SHISA6: variants seen among roughly 807,000 people sequenced by gnomAD.
SHISA6 encodes shisa family member 6, also known as protein shisa-6.
Under a neutral mutation model 47.9 loss-of-function variants are expected in SHISA6, and 22 were observed. The observed-to-expected ratio is 0.46, with a 90% confidence interval of 0.33 to 0.66. SHISA6 has a LOEUF of 0.66. SHISA6 is among the 30% of genes least tolerant of loss of function. SHISA6 has a pLI of 0.02. For synonymous variants in SHISA6, 388 were observed against 337.8 expected (o/e 1.15, Z -1.63); for missense variants, 680 against 764.6 (o/e 0.89, Z 1.30).
At chr17:11,432,946 G>A (rs762381568) in intron 3 of SHISA6, among the ~76,000 whole-genome samples, 15 of 152,170 alleles carry the variant, frequency 9.9e-5, no homozygotes, top group Admixed American at 3.3e-4. Context: ...GAGTTTCTTT[G>A]TGGGTGATGA....
intron 2 of SHISA6, among the ~76,000 whole-genome samples, chr17:11,286,261 C>A (rs1269889470): frequency 6.6e-6 from 1 of 152,162 alleles, no homozygotes; most frequent in Non-Finnish European, 1.5e-5. Flanking sequence ...GTGTCCTTCC[C>A]TACTGAAGAT....
At chr17:11,505,827 C>G (rs956863302) in intron 3 of SHISA6, among the ~76,000 whole-genome samples, 23 of 152,090 alleles carry the variant, frequency 1.5e-4, no homozygotes, top group Non-Finnish European at 2.2e-4. Context: ...GAATCAACAA[C>G]AATAGGATAA....
At chr17:11,293,763 C>T (rs1473065285) in intron 2 of SHISA6, among the ~76,000 whole-genome samples, 1 of 152,166 alleles carries the variant, frequency 6.6e-6, no homozygotes, top group Non-Finnish European at 1.5e-5. Flanking sequence ...ACACCAACCT[C>T]ATAGATCTGT....
At chr17:11,255,374 AGAGGGAGG>A (rs1391507141) in intron 1 of SHISA6, among the ~76,000 whole-genome samples, 3 of 152,204 alleles carry the variant, frequency 2.0e-5, no homozygotes, top group African/African-American at 7.2e-5. Flanking sequence ...AAAGAAAAAG[AGAGGGAGG>A]GAGAAAGAAT....
At chr17:11,416,721 C>T (rs919724641) in intron 3 of SHISA6, among the ~76,000 whole-genome samples, 1 of 152,120 alleles carries the variant, frequency 6.6e-6, no homozygotes, top group South Asian at 2.1e-4. Flanking sequence ...AAAAATACAA[C>T]ATATCCTCAC....
At chr17:11,439,669 AAAAAAATTACCCT>A (rs1380142368) in intron 3 of SHISA6, among the ~76,000 whole-genome samples, 1 of 152,102 alleles carries the variant, frequency 6.6e-6, no homozygotes, top group African/African-American at 2.4e-5. Flanking sequence ...AAAGCAGGTA[AAAAAAATTACCCT>A]GCATTTAGTA....
At chr17:11,420,940 G>A (rs181529542) in intron 3 of SHISA6, among the ~76,000 whole-genome samples, 69 of 152,300 alleles carry the variant, frequency 4.5e-4, no homozygotes, top group African/African-American at 1.4e-3. Flanking sequence ...CTCCTCACAG[G>A]AAAAGAAAGG....
intron 3 of SHISA6, among the ~76,000 whole-genome samples, chr17:11,457,391 C>T (rs1915568993): frequency 6.6e-6 from 1 of 152,160 alleles, no homozygotes; most frequent in African/African-American, 2.4e-5. Flanking sequence ...GGAATAGAAG[C>T]TTTCCTTGCA....
intron 3 of SHISA6, among the ~76,000 whole-genome samples, chr17:11,392,784 G>A (rs1443190124): frequency 6.6e-6 from 1 of 152,242 alleles, no homozygotes; most frequent in African/African-American, 2.4e-5. Flanking sequence ...ATGCAATGAA[G>A]ACATTGTTCC....
intron 1 of SHISA6, among the ~76,000 whole-genome samples, chr17:11,255,138 C>T (rs1306680103): frequency 6.6e-6 from 1 of 152,160 alleles, no homozygotes; most frequent in Admixed American, 6.5e-5. Flanking sequence ...CAGAGTAGTG[C>T]CTGGCACAGA....
At chr17:11,464,241 A>G (rs1336953990) in intron 3 of SHISA6, among the ~76,000 whole-genome samples, 1 of 152,188 alleles carries the variant, frequency 6.6e-6, no homozygotes, top group Non-Finnish European at 1.5e-5. Context: ...GCCTAAACTT[A>G]CAATACACCA....
chr17:11,265,052 G>A (rs1238683836), intron 2 of SHISA6, among the ~76,000 whole-genome samples: 2 of 152,132 alleles, frequency 1.3e-5, no homozygotes, highest in African/African-American at 4.8e-5. Context: ...CTTAAAACAA[G>A]CAATAGAAGG....
rs148804075 is a variant in SHISA6, at chr17:11,271,401, T to A, written c.799+7875T>A. Among the ~76,000 whole-genome samples, 359 of 152,216 alleles carry A rather than the reference T, an allele frequency of 2.4e-3. 1 individual carries two copies. Among genetic ancestry groups the A allele is most frequent in the Admixed American group, 3.6e-3 (55 of 15,288 alleles). On this transcript the variant is annotated intron_variant, in intron 2 of 5. Transcript: ENST00000441885. The stretch of plus-strand genomic sequence containing the variant: ...GATGACAAACTCGGGATTCAACATG[T>A]CTTGCATGGCGCAGATACACCAAGT...
chr17:11,342,563 G>A (rs1911572432), intron 2 of SHISA6, among the ~76,000 whole-genome samples: 1 of 152,198 alleles, frequency 6.6e-6, no homozygotes. Context: ...GTTCCCAAAT[G>A]CACTGATAAA....
At chr17:11,346,777 A>T (rs912411690) in intron 2 of SHISA6, among the ~76,000 whole-genome samples, 3 of 152,214 alleles carry the variant, frequency 2.0e-5, no homozygotes, top group African/African-American at 7.2e-5. Flanking sequence ...AGAAATGTTT[A>T]TCTGAGACTC....
chr17:11,316,395 CTG>C (rs1910518915), intron 2 of SHISA6, among the ~76,000 whole-genome samples: 1 of 84,672 alleles, frequency 1.2e-5, no homozygotes, highest in Admixed American at 1.4e-4. Flanking sequence ...ATCCTTCTCT[CTG>C]TCTCTCTCTC....
At chr17:11,288,325 A>G (rs1909394050) in intron 2 of SHISA6, 1 of 152,196 alleles carries the variant, frequency 6.6e-6, no homozygotes, top group Non-Finnish European at 1.5e-5. Flanking sequence ...AGTCTTTTTC[A>G]CTATTGCAAA....
intron 3 of SHISA6, among the ~76,000 whole-genome samples, chr17:11,474,404 GGTT>G (rs1368094112): frequency 1.3e-5 from 1 of 76,852 alleles, no homozygotes; most frequent in African/African-American, 8.0e-5. Context: ...ACTTTTTGAT[GGTT>G]TTTTTTTTTT....
chr17:11,362,397 C>T (rs182301726), intron 2 of SHISA6, among the ~76,000 whole-genome samples: 2 of 152,312 alleles, frequency 1.3e-5, no homozygotes, highest in Admixed American at 6.5e-5. Flanking sequence ...GCCTCAGCCT[C>T]CCAAAGCATT....
Sources: allele counts gnomAD v4.1 joint callset (sites outside exome capture counted in the v4.1 genomes callset), GRCh38; gene constraint gnomAD v4.1.1; transcripts MANE v1.5; gene names NCBI Gene and HGNC (gene_info 2026-07-23, HGNC 2026-07-21).